ZCCHC18: variants seen among roughly 807,000 people sequenced by gnomAD.
ZCCHC18 encodes zinc finger CCHC domain-containing protein 18.
For missense variants in ZCCHC18, 292 were observed against 305.1 expected (o/e 0.96, Z 0.32); for synonymous variants, 112 against 115.7 (o/e 0.97, Z 0.21).
chrX:104,115,315 C>A lies in ZCCHC18; in HGVS notation c.1204C>A (p.Pro402Thr), dbSNP rs782429799. 6.0e-6 allele frequency: 7 copies of A among 1,160,311 alleles called. No homozygotes were observed. Among genetic ancestry groups the A allele is most frequent in the Non-Finnish European group, 8.0e-6 (7 of 870,256 alleles). ...TGGAGAACACAGTGATGCTTCTGAG[C>A]CACAGTAAGGATCTAGTCCAGCCCT... Reference protein sequence around the residue: ...VPGEHSDASEPQ With the variant: ...VPGEHSDASETQ The change falls in exon 3 of 3, where the codon CCA (proline) becomes ACA (threonine). Residue 402 changes from proline (P) to threonine (T), a missense_variant. Coordinates refer to ENST00000650639, the MANE Select transcript of ZCCHC18 (RefSeq NM_001143978.3).
chrX:104,113,859 C>T lies in ZCCHC18; in HGVS notation c.-253C>T. 1 of 387,807 alleles carries T rather than the reference C, an allele frequency of 2.6e-6. No homozygotes were observed. The highest frequency in any genetic ancestry group is 7.6e-4 in the Middle Eastern group (1 of 1,321). The allele number at this position is 387,807 out of a possible 1,213,427, so 32.0% of individuals were successfully genotyped here. A position where few individuals can be genotyped will look rare whatever the true frequency, so the allele number is the denominator to read the frequency against. On this transcript the variant is annotated 5_prime_UTR_variant, in exon 3 of 3. Coordinates refer to ENST00000650639, the MANE Select transcript of ZCCHC18 (RefSeq NM_001143978.3). ...CTGGAATGTTGTAATTGCCAGTCTC[C>T]TGCAGGGTATTGTTAAGGCACTGGG...
In ZCCHC18 at chrX:104,114,307, ATC is replaced by A; in HGVS notation, c.197_198del (p.Ile66ThrfsTer4). On this transcript the variant is annotated frameshift_variant, in exon 3 of 3. Coordinates refer to ENST00000650639, the MANE Select transcript of ZCCHC18 (RefSeq NM_001143978.3). LOFTEE classifies it low-confidence loss of function (END_TRUNC). The part of the protein sequence containing the change: ...QGKETFENWL[I>X]QVNEVLPDWS... Reference sequence around the variant, plus strand: ...GAAAGAAACCTTTGAAAACTGGCTGATCCAAGTCAATGAGGTCCTGCCAGATT... The same window carrying A: ...GAAAGAAACCTTTGAAAACTGGCTGACAAGTCAATGAGGTCCTGCCAGATT... The A allele has an allele frequency of 1.7e-6, 2 of 1,211,320 alleles. No individual in the cohort carries two copies. The highest frequency in any genetic ancestry group is 2.2e-6 in the Non-Finnish European group (2 of 895,315).
Sources: gnomAD v4.1 joint callset for allele counts on GRCh38, gnomAD v4.1.1 for gene constraint, MANE v1.5 for transcripts, NCBI Gene and HGNC (gene_info 2026-07-23, HGNC 2026-07-21) for gene names.